The following RHOBTB1 variants were observed in gnomAD, a reference collection of about 807,000 sequenced individuals.
RHOBTB1 encodes rho-related BTB domain-containing protein 1.
In RHOBTB1, 40 loss-of-function variants were observed where a neutral mutation model predicts 71.6. The observed-to-expected ratio is 0.56, with a 90% CI of 0.43 to 0.73. The LOEUF (loss-of-function observed/expected upper bound fraction) is 0.73. Ranked by LOEUF, RHOBTB1 falls within the 30% of genes least tolerant of loss-of-function variation. The pLI is 0.00. For synonymous variants in RHOBTB1, 319 were observed against 334.9 expected, an observed-to-expected ratio of 0.95 and a Z score of 0.52; for missense variants, 797 against 894.0, an observed-to-expected ratio of 0.89 and a Z score of 1.38.
upstream of RHOBTB1, among the ~76,000 whole-genome samples, chr10:61,001,825 GCCCGAGGGGCCGCCCT>G (rs2087291426): frequency 6.6e-6 from 1 of 152,210 alleles, no homozygotes; most frequent in African/African-American, 2.4e-5. Flanking sequence ...TCCGCTCAGG[GCCCGAGGGGCCGCCCT>G]TCCTGGAGGC....
intron 2 of RHOBTB1, among the ~76,000 whole-genome samples, chr10:60,964,846 G>A (rs1051341105): frequency 6.6e-6 from 1 of 152,108 alleles, no homozygotes; most frequent in African/African-American, 2.4e-5. Context: ...TTTTTACAGG[G>A]TGGATTAAAC....
At chr10:60,940,098 C>G (rs1189530082) in intron 2 of RHOBTB1, among the ~76,000 whole-genome samples, 1 of 151,974 alleles carries the variant, frequency 6.6e-6, no homozygotes, top group African/African-American at 2.4e-5. Context: ...TTGTAATGAT[C>G]CATTACATAA....
chr10:60,970,356 A>G (rs1349533046), intron 2 of RHOBTB1, among the ~76,000 whole-genome samples: 1 of 152,018 alleles, frequency 6.6e-6, no homozygotes, highest in Non-Finnish European at 1.5e-5. Flanking sequence ...AGGTATATAA[A>G]CTCACTATTC....
intron 10 of RHOBTB1, 108 bp from the exon 11 acceptor site, chr10:60,871,759 G>T: frequency 9.7e-7 from 1 of 1,035,350 alleles, no homozygotes; most frequent in Non-Finnish European, 1.4e-6. Context: ...AACGTGATGC[G>T]GCAGAGACTG....
chr10:60,886,929 A>T (rs1424212410), intron 6 of RHOBTB1, among the ~76,000 whole-genome samples: 1 of 151,774 alleles, frequency 6.6e-6, no homozygotes, highest in East Asian at 1.9e-4. Context: ...CTACCTTATC[A>T]CAAGTTTTCC....
In RHOBTB1 at chr10:60,886,726, GT is replaced by G. The variant is rs199774362; in HGVS notation, c.1457-497del. Among the ~76,000 whole-genome samples, 345 of 140,280 alleles carry G rather than the reference GT, an allele frequency of 2.5e-3. 1 individual carries two copies. The highest frequency in any genetic ancestry group is 7.5e-3 in the African/African-American group (285 of 37,916). 92.0% of individuals were successfully genotyped at this position (140,280 alleles called of 152,430 possible). A position where few individuals can be genotyped will look rare whatever the true frequency, so the allele number is the denominator to read the frequency against. On this transcript the variant is annotated intron_variant, in intron 6 of 10. Transcript: ENST00000337910. ...TTTTTTTTAAGAGATGTGGGGGGGG[GT>G]GGGTCTGGCTATGTTGTCCAGGCTG...
rs148251513 is a variant in RHOBTB1, at chr10:60,887,873, C to G, written c.1456+339G>C. On this transcript the variant is annotated intron_variant, in intron 6 of 10. Transcript: ENST00000337910. ...GGGTCCCTGATCCACTCTTGAGGAG[C>G]AGTGTGGTACCATGGTGGTTTATGG... Among the ~76,000 whole-genome samples the G allele has an allele frequency of 2.7e-3, 408 of 152,252 alleles. 1 individual carries two copies. The highest frequency in any genetic ancestry group is 9.3e-3 in the African/African-American group (386 of 41,552).
chr10:60,982,201 G>T (rs1213599125), intron 2 of RHOBTB1, among the ~76,000 whole-genome samples: 1 of 152,104 alleles, frequency 6.6e-6, no homozygotes, highest in Non-Finnish European at 1.5e-5. Context: ...TTCTAGACTA[G>T]TCAAGTATTA....
chr10:60,977,513 C>A (rs1395944495), intron 2 of RHOBTB1, among the ~76,000 whole-genome samples: 1 of 152,092 alleles, frequency 6.6e-6, no homozygotes, highest in African/African-American at 2.4e-5. Flanking sequence ...TGATCACAAG[C>A]TATTCCACAG....
At chr10:60,875,166 C>T (rs956701213) in intron 8 of RHOBTB1, 124 bp from the exon 9 acceptor site, 2 of 686,530 alleles carry the variant, frequency 2.9e-6, no homozygotes, top group African/African-American at 3.6e-5. Context: ...TCTGGGCAGG[C>T]ATCTGAATTA....
intron 2 of RHOBTB1, among the ~76,000 whole-genome samples, chr10:60,925,304 A>G (rs911911915): frequency 9.9e-5 from 15 of 152,208 alleles, no homozygotes; most frequent in African/African-American, 3.4e-4. Context: ...TAGCAATGCA[A>G]GAAAAGACTA....
chr10:60,903,560 T>C (rs983696652), intron 4 of RHOBTB1, among the ~76,000 whole-genome samples: 5 of 152,088 alleles, frequency 3.3e-5, no homozygotes, highest in Non-Finnish European at 7.4e-5. Context: ...AAACGGAAAA[T>C]TTTCACAGAA....
At chr10:60,985,165 T>C (rs988440201) in intron 2 of RHOBTB1, among the ~76,000 whole-genome samples, 1 of 152,140 alleles carries the variant, frequency 6.6e-6, no homozygotes, top group South Asian at 2.1e-4. Context: ...TTAGAACATA[T>C]AAACATATGA....
chr10:60,989,978 CTTTTTTTTTTTTT>C (rs769184320), intron 1 of RHOBTB1, among the ~76,000 whole-genome samples: 2 of 122,280 alleles, frequency 1.6e-5, no homozygotes, highest in African/African-American at 3.2e-5. Context: ...TCAGAATGTC[CTTTTTTTTTTTTT>C]TTTTTTTTTG....
chr10:60,885,467 G>A (rs1408431916), intron 7 of RHOBTB1, among the ~76,000 whole-genome samples: 1 of 152,142 alleles, frequency 6.6e-6, no homozygotes, highest in East Asian at 1.9e-4. Flanking sequence ...GGTGTGTTCA[G>A]GGGAGTAAAC....
In RHOBTB1 at chr10:60,957,183, C is replaced by T. The variant is rs368804238; in HGVS notation, c.-61-15329G>A. Among the ~76,000 whole-genome samples the T allele has an allele frequency of 5.7e-4, 87 of 152,190 alleles. 1 individual carries two copies. Among genetic ancestry groups the T allele is most frequent in the South Asian group, 1.0e-3 (5 of 4,822 alleles). On this transcript the variant is annotated intron_variant, in intron 2 of 11. Transcript: ENST00000357917. ...CTTAAAATATATACAAACAGGAGTA[C>T]GTTCTAAAATAATGACAAAAAGGAT...
At chr10:60,876,073 C>T (rs1470945797) in intron 8 of RHOBTB1, among the ~76,000 whole-genome samples, 1 of 152,200 alleles carries the variant, frequency 6.6e-6, no homozygotes, top group Non-Finnish European at 1.5e-5. Context: ...ATTTCTTTGG[C>T]ACAAACCTCC....
upstream of RHOBTB1, among the ~76,000 whole-genome samples, chr10:60,944,750 T>C (rs2085144019): frequency 1.3e-5 from 2 of 152,186 alleles, no homozygotes; most frequent in African/African-American, 4.8e-5. Context: ...AGCTGCTGAC[T>C]AAGGGCTGCA....
intron 2 of RHOBTB1, among the ~76,000 whole-genome samples, chr10:60,976,193 A>C (rs1206996297): frequency 6.6e-6 from 1 of 152,020 alleles, no homozygotes; most frequent in Non-Finnish European, 1.5e-5. Context: ...TAAGGAAAGC[A>C]GTAACAGCAT....
Sources: allele counts gnomAD v4.1 joint callset (sites outside exome capture counted in the v4.1 genomes callset), GRCh38; gene constraint gnomAD v4.1.1; transcripts MANE v1.5; gene names NCBI Gene and HGNC (gene_info 2026-07-23, HGNC 2026-07-21).